SLC9C2: variants seen among roughly 807,000 people sequenced by gnomAD.
SLC9C2 encodes solute carrier family 9 member C2 (putative), also known as sodium/hydrogen exchanger 11.
Under a neutral mutation model 140.2 loss-of-function variants are expected in SLC9C2, and 75 were observed. The observed-to-expected ratio is 0.53, with a 90% CI of 0.44 to 0.65. SLC9C2 has a LOEUF of 0.65. Ranked by LOEUF, SLC9C2 falls within the 30% of genes least tolerant of loss-of-function variation. The probability of loss-of-function intolerance (pLI) is 0.00; values close to 1 mark genes in which losing one functional copy is unlikely to be tolerated. For synonymous variants in SLC9C2, 375 were observed against 420.9 expected, an observed-to-expected ratio of 0.89 and a Z score of 1.34; for missense variants, 1,074 against 1,331.8, an observed-to-expected ratio of 0.81 and a Z score of 3.01.
At chr1:173,569,631 T>C (rs1004597618) in intron 9 of SLC9C2, among the ~76,000 whole-genome samples, 7 of 152,078 alleles carry the variant, frequency 4.6e-5, no homozygotes, top group Non-Finnish European at 8.8e-5. Context: ...GCCGCATTCT[T>C]TTTTATTCTT....
chr1:173,564,400 T>G (rs1344280092), intron 9 of SLC9C2, among the ~76,000 whole-genome samples: 1 of 152,238 alleles, frequency 6.6e-6, no homozygotes, highest in Non-Finnish European at 1.5e-5. Flanking sequence ...CCATTTTAAC[T>G]GGGATCAGAT....
intron 5 of SLC9C2, among the ~76,000 whole-genome samples, chr1:173,587,222 G>A (rs957450110): frequency 6.6e-6 from 1 of 152,030 alleles, no homozygotes; most frequent in Non-Finnish European, 1.5e-5. Context: ...TCCACCACCT[G>A]CCAAACCTTA....
chr1:173,588,496 G>A (rs1413651495), intron 4 of SLC9C2, among the ~76,000 whole-genome samples: 1 of 151,986 alleles, frequency 6.6e-6, no homozygotes, highest in South Asian at 2.1e-4. Flanking sequence ...TTGACCATTA[G>A]GTCCTTTTAT....
intron 17 of SLC9C2, among the ~76,000 whole-genome samples, chr1:173,531,148 G>C (rs968221265): frequency 2.0e-5 from 3 of 152,114 alleles, no homozygotes; most frequent in Non-Finnish European, 4.4e-5. Context: ...ACCTCACAAG[G>C]CTATCCTATT....
chr1:173,573,709 A>T (rs1055005381), intron 8 of SLC9C2, among the ~76,000 whole-genome samples: 17 of 152,192 alleles, frequency 1.1e-4, no homozygotes, highest in Non-Finnish European at 4.4e-5. Context: ...GGTAACTTTG[A>T]CTTTGCAATA....
chr1:173,597,234 A>G (rs1666501021), intron 4 of SLC9C2, among the ~76,000 whole-genome samples: 1 of 152,090 alleles, frequency 6.6e-6, no homozygotes, highest in South Asian at 2.1e-4. Flanking sequence ...ATAAAACATC[A>G]TATTTGGAAA....
rs191715505 is a variant in SLC9C2 at position 173,513,271 on chromosome 1, C to T, written c.2908-3572G>A. Among the ~76,000 whole-genome samples, 842 of 152,062 alleles carry T rather than the reference C, an allele frequency of 5.5e-3. 9 individuals carry two copies. The highest frequency in any genetic ancestry group is 0.019 in the African/African-American group (797 of 41,378). On this transcript the variant is annotated intron_variant, in intron 23 of 27. Coordinates refer to ENST00000367714, the MANE Select transcript of SLC9C2 (RefSeq NM_178527.4). ...TTCTCTTTGTATCTCTGGTGGAATTCGGCTGTGAATCTATCTGGTCCTGGG... is the reference window on the plus strand; with the variant it reads ...TTCTCTTTGTATCTCTGGTGGAATTTGGCTGTGAATCTATCTGGTCCTGGG...
chr1:173,544,699 C>A (rs1170499042), intron 13 of SLC9C2, among the ~76,000 whole-genome samples: 1 of 152,032 alleles, frequency 6.6e-6, no homozygotes, highest in Non-Finnish European at 1.5e-5. Flanking sequence ...GAGTTCATGT[C>A]CTTTGTAGGG....
intron 13 of SLC9C2, among the ~76,000 whole-genome samples, chr1:173,542,484 A>G (rs867108905): frequency 3.1e-4 from 47 of 152,360 alleles, no homozygotes; most frequent in African/African-American, 1.1e-3. Flanking sequence ...ATAGAAAAAG[A>G]GGGAATCCTC....
At chr1:173,539,475 T>C (rs554940777) in intron 13 of SLC9C2, among the ~76,000 whole-genome samples, 2 of 152,306 alleles carry the variant, frequency 1.3e-5, no homozygotes, top group African/African-American at 2.4e-5. Flanking sequence ...TCACTAACAC[T>C]TGGAATATAA....
intron 5 of SLC9C2, among the ~76,000 whole-genome samples, chr1:173,585,107 T>G (rs1283479601): frequency 6.6e-6 from 1 of 152,234 alleles, no homozygotes; most frequent in African/African-American, 2.4e-5. Context: ...ACTCTATATT[T>G]TATTTCTTTA....
chr1:173,542,667 A>C (rs1662521040), intron 13 of SLC9C2, among the ~76,000 whole-genome samples: 1 of 152,232 alleles, frequency 6.6e-6, no homozygotes, highest in South Asian at 2.1e-4. Context: ...CACCAAGATC[A>C]AGGTGTCTTC....
chr1:173,594,894 GTTTTGTT>G (rs1325231975), intron 4 of SLC9C2, among the ~76,000 whole-genome samples: 1 of 151,980 alleles, frequency 6.6e-6, no homozygotes, highest in Non-Finnish European at 1.5e-5. Flanking sequence ...GATTTTGGTT[GTTTTGTT>G]TTTTGTTTTT....
In SLC9C2 at chr1:173,597,806, C is replaced by G. The variant is rs1666527098; in HGVS notation, c.357+98G>C. On this transcript the variant is annotated intron_variant, in intron 4 of 27. Transcript: ENST00000367714. ...AGAGGGCAAAACAAATAAAATATGA[C>G]ATTTTGTGAATTATTAATCATCTAT... is the stretch of plus-strand genomic sequence containing the variant. 4 of 1,212,192 alleles carry G rather than the reference C, an allele frequency of 3.3e-6. No homozygotes were observed. The African/African-American group carries it at 4.7e-5, about 14-fold the overall frequency. 75.1% of individuals were successfully genotyped at this position (1,212,192 alleles called of 1,614,324 possible).
chr1:173,532,616 T>C (rs967232526), intron 17 of SLC9C2, among the ~76,000 whole-genome samples: 1 of 152,182 alleles, frequency 6.6e-6, no homozygotes, highest in African/African-American at 2.4e-5. Flanking sequence ...ATGAACAAAT[T>C]TTACTGAAAC....
intron 22 of SLC9C2, among the ~76,000 whole-genome samples, chr1:173,518,799 T>G (rs1571451732): frequency 6.6e-6 from 1 of 152,152 alleles, no homozygotes; most frequent in African/African-American, 2.4e-5. Flanking sequence ...TTAATGGCTG[T>G]AATTTTGAAT....
At chr1:173,554,356 T>C (rs930111038) in intron 11 of SLC9C2, among the ~76,000 whole-genome samples, 1 of 152,146 alleles carries the variant, frequency 6.6e-6, no homozygotes, top group Admixed American at 6.5e-5. Flanking sequence ...GGTTGGATTG[T>C]AGACATGGTG....
At chr1:173,523,613 C>A (rs1457862975) in intron 21 of SLC9C2, among the ~76,000 whole-genome samples, 1 of 152,226 alleles carries the variant, frequency 6.6e-6, no homozygotes, top group Admixed American at 6.5e-5. Context: ...TTTACTTTTA[C>A]ACTATCTGCC....
At chr1:173,550,448 A>ATTT (rs533259810) in intron 11 of SLC9C2, among the ~76,000 whole-genome samples, 31,665 of 143,596 alleles carry the variant, frequency 0.22, 4,316 homozygotes, top group East Asian at 0.49. Context: ...TTATTTATTT[A>ATTT]TTTATTTTTG....
Sources: allele counts gnomAD v4.1 joint callset (sites outside exome capture counted in the v4.1 genomes callset), GRCh38; gene constraint gnomAD v4.1.1; transcripts MANE v1.5; gene names NCBI Gene and HGNC (gene_info 2026-07-23, HGNC 2026-07-21).